Variants in TUT7 observed in about 807,000 individuals in gnomAD.
The protein encoded by TUT7 is terminal uridylyltransferase 7.
TUT7 carries 33 observed loss-of-function variants against 165.9 expected under a neutral mutation model. The observed-to-expected ratio is 0.20, with a 90% CI of 0.15 to 0.27. TUT7 has a LOEUF of 0.27. TUT7 is among the 10% of genes least tolerant of loss of function. The pLI is 1.00. For synonymous variants in TUT7, 552 were observed against 608.1 expected, an observed-to-expected ratio of 0.91 and a Z score of 1.36; for missense variants, 1,338 against 1,762.3, an observed-to-expected ratio of 0.76 and a Z score of 4.31.
intron 26 of TUT7, among the ~76,000 whole-genome samples, chr9:86,296,908 T>G (rs559170266): frequency 1.3e-5 from 2 of 152,376 alleles, no homozygotes; most frequent in South Asian, 4.1e-4. Flanking sequence ...AGTTATATCA[T>G]CTGACATATA....
chr9:86,328,239 C>G, intron 11 of TUT7, 101 bp downstream of exon 11: 7 of 1,236,406 alleles, frequency 5.7e-6, no homozygotes, highest in Non-Finnish European at 7.4e-6. Context: ...GAAAGAGCCA[C>G]GAAATAGTAA....
At chr9:86,339,474 C>T (rs987184800) in intron 8 of TUT7, among the ~76,000 whole-genome samples, 9 of 152,020 alleles carry the variant, frequency 5.9e-5, no homozygotes, top group African/African-American at 2.2e-4. Flanking sequence ...GCCAAGATTG[C>T]GCCACTGCAC....
chr9:86,309,831 CAT>C, intron 19 of TUT7, 95 bp downstream of exon 19: 1 of 1,245,312 alleles, frequency 8.0e-7, no homozygotes, highest in Non-Finnish European at 1.1e-6. Context: ...AAGCATTTCA[CAT>C]GACTACAGTT....
intron 9 of TUT7, 81 bp from the exon 10 acceptor site, chr9:86,337,619 C>T: frequency 6.8e-7 from 1 of 1,470,638 alleles, no homozygotes; most frequent in Non-Finnish European, 9.2e-7. Context: ...AACCTGTAAC[C>T]TCATTCTTGT....
intron 11 of TUT7, 70 bp downstream of exon 11, chr9:86,328,265 GAAGAC>G (rs1290357614): frequency 1.5e-6 from 2 of 1,367,562 alleles, no homozygotes; most frequent in Admixed American, 5.5e-5. Flanking sequence ...GTTAAGGAAA[GAAGAC>G]AAGACTGACT....
chr9:86,347,216 A>G (rs768338014), intron 2 of TUT7, among the ~76,000 whole-genome samples: 1 of 152,212 alleles, frequency 6.6e-6, no homozygotes, highest in Non-Finnish European at 1.5e-5. Context: ...CATTGAAACA[A>G]AAGTTTTCTC....
chr9:86,319,431 G>C (rs1302109796), intron 15 of TUT7, among the ~76,000 whole-genome samples, 153 bp downstream of exon 15: 2 of 152,148 alleles, frequency 1.3e-5, no homozygotes, highest in African/African-American at 4.8e-5. Flanking sequence ...GTTTCTGTTG[G>C]TAAATGAGGA....
chr9:86,346,272 C>A, intron 3 of TUT7, 27 bp downstream of exon 3: 1 of 1,592,190 alleles, frequency 6.3e-7, no homozygotes, highest in Non-Finnish European at 8.6e-7. Context: ...GGATTCTAAC[C>A]AACAAATATA....
At chr9:86,309,606 A>G in intron 19 of TUT7, 30 bp from the exon 20 acceptor site, 1 of 1,544,664 alleles carries the variant, frequency 6.5e-7, no homozygotes, top group Non-Finnish European at 8.9e-7. Flanking sequence ...AGAACAAAGG[A>G]AAGGTCTGTT....
chr9:86,312,525 C>T (rs1336904332), intron 17 of TUT7, among the ~76,000 whole-genome samples: 2 of 151,730 alleles, frequency 1.3e-5, no homozygotes, highest in East Asian at 3.9e-4. Context: ...GCTGCCCCGT[C>T]TGGGAGGTGA....
intron 9 of TUT7, among the ~76,000 whole-genome samples, chr9:86,337,839 T>C (rs988404851): frequency 2.6e-5 from 4 of 151,860 alleles, no homozygotes; most frequent in African/African-American, 9.7e-5. Flanking sequence ...ATTCATTCAT[T>C]TGTTTAGAAT....
chr9:86,308,276 G>A (rs1827711638), intron 22 of TUT7, among the ~76,000 whole-genome samples, 153 bp downstream of exon 22: 1 of 152,102 alleles, frequency 6.6e-6, no homozygotes, highest in African/African-American at 2.4e-5. Flanking sequence ...CAAATCTTAA[G>A]GCTGGAAAGA....
chr9:86,332,674 C>T (rs1190189116), intron 10 of TUT7, among the ~76,000 whole-genome samples: 1 of 152,156 alleles, frequency 6.6e-6, no homozygotes, highest in Non-Finnish European at 1.5e-5. Context: ...AATAAGCCTG[C>T]ACATGTACCT....
rs1350377102 is a variant in TUT7, at chr9:86,317,426, G to C, written c.3217-150C>G. 3 of 638,622 alleles carry C rather than the reference G, an allele frequency of 4.7e-6. No homozygotes were observed. The African/African-American group carries it at 5.5e-5, about 12-fold the overall frequency. The allele number at this position is 638,622 out of a possible 1,614,324, so 39.6% of individuals were successfully genotyped here. A position where few individuals can be genotyped will look rare whatever the true frequency, so the allele number is the denominator to read the frequency against. ...CCTTTCTAGTTGGGTATTAGAGTCA[G>C]TATTCACAGGAAATATCCTGACGGT... is the stretch of plus-strand genomic sequence containing the variant. On this transcript the variant is annotated intron_variant, in intron 16 of 26. Coordinates refer to ENST00000375963, the MANE Select transcript of TUT7 (RefSeq NM_024617.4).
chr9:86,290,686 C>CAAAAA (rs749800073), intron 26 of TUT7, among the ~76,000 whole-genome samples: 5 of 54,762 alleles, frequency 9.1e-5, no homozygotes, highest in Admixed American at 2.1e-4. Flanking sequence ...TACTAAAATA[C>CAAAAA]AAAAAAAAAA....
intron 8 of TUT7, 78 bp from the exon 9 acceptor site, chr9:86,339,027 C>G: frequency 1.5e-6 from 2 of 1,299,298 alleles, no homozygotes; most frequent in Non-Finnish European, 2.0e-6. Flanking sequence ...GTCTTTTATG[C>G]CAACAACTAA....
intron 26 of TUT7, among the ~76,000 whole-genome samples, chr9:86,294,038 G>A (rs932352923): frequency 2.6e-5 from 4 of 152,240 alleles, no homozygotes; most frequent in African/African-American, 7.2e-5. Context: ...GAGCCATGGC[G>A]CCCGGCCGCA....
intron 26 of TUT7, among the ~76,000 whole-genome samples, chr9:86,291,572 C>CAAAA (rs969598470): frequency 2.1e-5 from 1 of 48,102 alleles, no homozygotes; most frequent in Non-Finnish European, 4.4e-5. Context: ...AACTCCATCT[C>CAAAA]AAAAAAAAAA....
chr9:86,306,639 T>C (rs1183232233), intron 22 of TUT7, among the ~76,000 whole-genome samples: 1 of 151,938 alleles, frequency 6.6e-6, no homozygotes, highest in East Asian at 2.0e-4. Flanking sequence ...AAACACTCTC[T>C]CTACTAAAAA....
Sources: allele counts gnomAD v4.1 joint callset (sites outside exome capture counted in the v4.1 genomes callset), GRCh38; gene constraint gnomAD v4.1.1; transcripts MANE v1.5; gene names NCBI Gene and HGNC (gene_info 2026-07-23, HGNC 2026-07-21).